The following ELOVL6 variants were observed in gnomAD, a reference collection of about 807,000 sequenced individuals.
ELOVL6 encodes very long chain fatty acid elongase 6.
Under a neutral mutation model 31.7 loss-of-function variants are expected in ELOVL6, and 8 were observed. The ratio of observed to expected loss-of-function variants is 0.25; its 90% CI spans 0.15 to 0.45. The LOEUF (loss-of-function observed/expected upper bound fraction) is 0.45, where lower values mean the gene tolerates loss of function less well. ELOVL6 is among the 20% of genes least tolerant of loss of function. The pLI is 1.00. For missense variants in ELOVL6, 126 were observed against 326.4 expected (o/e 0.39, Z 4.73); for synonymous variants, 101 against 117.7 (o/e 0.86, Z 0.92).
chr4:110,062,188 C>T (rs879553138), intron 2 of ELOVL6, among the ~76,000 whole-genome samples: 16 of 152,166 alleles, frequency 1.1e-4, no homozygotes, highest in Middle Eastern at 3.2e-3. Context: ...CAGTTCAGAG[C>T]ACTGTAGAGT....
chr4:110,120,863 C>A (rs551719178), intron 1 of ELOVL6, among the ~76,000 whole-genome samples: 4 of 139,178 alleles, frequency 2.9e-5, no homozygotes, highest in African/African-American at 8.0e-5. Context: ...TGCTGTGGAG[C>A]GATTTTGGCT....
Position 110,168,383 on chromosome 4 carries a change from G to GTGT in ELOVL6, c.89+29861_89+29863dup, listed in dbSNP as rs1185944289. Among the ~76,000 whole-genome samples the GTGT allele has an allele frequency of 3.3e-5, 5 of 152,176 alleles. No homozygotes were observed. The South Asian group carries it at 1.0e-3, about 32-fold the overall frequency. On this transcript the variant is annotated intron_variant, in intron 1 of 3. Transcript: ENST00000302274. ...AATATGCAAAAGTTAGCTAGGCATG[G>GTGT]TGTTGCATGCCTGTAATCCCAGCTA... is the stretch of plus-strand genomic sequence containing the variant.
intron 1 of ELOVL6, among the ~76,000 whole-genome samples, chr4:110,152,324 C>T (rs998764785): frequency 8.5e-5 from 13 of 152,196 alleles, no homozygotes; most frequent in African/African-American, 1.2e-4. Flanking sequence ...CCATCTATCA[C>T]GGTAGAGTCT....
At chr4:110,198,102 C>T (rs1412255729) in intron 1 of ELOVL6, 145 bp downstream of exon 1, 10 of 460,294 alleles carry the variant, frequency 2.2e-5, no homozygotes, top group Non-Finnish European at 2.5e-5. Flanking sequence ...TCTCCTGCAC[C>T]CGGGAGACCC....
At chr4:110,154,400 A>T (rs1560847673) in intron 1 of ELOVL6, among the ~76,000 whole-genome samples, 1 of 152,072 alleles carries the variant, frequency 6.6e-6, no homozygotes, top group Non-Finnish European at 1.5e-5. Flanking sequence ...GATTACAGAC[A>T]TGCACCATCA....
At chr4:110,077,751 C>T (rs1004263985) in intron 2 of ELOVL6, among the ~76,000 whole-genome samples, 5 of 152,068 alleles carry the variant, frequency 3.3e-5, no homozygotes, top group Admixed American at 6.6e-5. Flanking sequence ...ATGACTTTGA[C>T]GAGTTGAGAT....
intron 1 of ELOVL6, among the ~76,000 whole-genome samples, chr4:110,112,435 G>A (rs1279918408): frequency 6.6e-6 from 1 of 152,184 alleles, no homozygotes; most frequent in East Asian, 1.9e-4. Context: ...CAATCCTAAA[G>A]CGTTGCATCT....
chr4:110,068,918 G>C (rs1560805147), intron 2 of ELOVL6, among the ~76,000 whole-genome samples: 1 of 152,142 alleles, frequency 6.6e-6, no homozygotes, highest in Non-Finnish European at 1.5e-5. Context: ...CCAGGCAGGA[G>C]GATTGCCTAA....
At chr4:110,196,535 T>C (rs1373751646) in intron 1 of ELOVL6, among the ~76,000 whole-genome samples, 2 of 151,812 alleles carry the variant, frequency 1.3e-5, no homozygotes, top group Non-Finnish European at 2.9e-5. Context: ...AACGCCGAGG[T>C]CTATCTGCGG....
At chr4:110,101,165 G>A (rs1250557047) in intron 2 of ELOVL6, among the ~76,000 whole-genome samples, 2 of 152,016 alleles carry the variant, frequency 1.3e-5, no homozygotes, top group Admixed American at 1.3e-4. Flanking sequence ...TCAGCCTCCC[G>A]AGTAGCTAGG....
chr4:110,124,982 T>C (rs1757455490), intron 1 of ELOVL6, among the ~76,000 whole-genome samples: 1 of 152,220 alleles, frequency 6.6e-6, no homozygotes, highest in African/African-American at 2.4e-5. Flanking sequence ...CACAAGTGAC[T>C]TTTTAATATA....
At chr4:110,158,491 G>A (rs370586145) in intron 1 of ELOVL6, among the ~76,000 whole-genome samples, 33 of 141,660 alleles carry the variant, frequency 2.3e-4, no homozygotes, top group Middle Eastern at 3.6e-3. Context: ...CCGAGGGCAC[G>A]ATCAGTCAAG....
At chr4:110,097,395 G>T (rs1047263248) in intron 2 of ELOVL6, among the ~76,000 whole-genome samples, 1 of 151,576 alleles carries the variant, frequency 6.6e-6, no homozygotes, top group Non-Finnish European at 1.5e-5. Context: ...ATGTTAGCAG[G>T]GTGTCCTTCA....
intron 1 of ELOVL6, among the ~76,000 whole-genome samples, chr4:110,178,259 G>T (rs1481176532): frequency 6.6e-6 from 1 of 152,114 alleles, no homozygotes. Context: ...TTGTAAAAAA[G>T]AAAACGAGCC....
intron 2 of ELOVL6, among the ~76,000 whole-genome samples, chr4:110,101,036 T>A (rs1038871625): frequency 3.3e-5 from 5 of 152,146 alleles, no homozygotes; most frequent in Non-Finnish European, 7.4e-5. Context: ...TGAAAAGCAG[T>A]TTTTTGTTTG....
At chr4:110,131,980 G>A (rs1200645573) in intron 1 of ELOVL6, among the ~76,000 whole-genome samples, 1 of 152,204 alleles carries the variant, frequency 6.6e-6, no homozygotes, top group Non-Finnish European at 1.5e-5. Flanking sequence ...TGGGGGAAGA[G>A]GTGCTTCTGC....
chr4:110,164,844 A>G (rs907915329), intron 1 of ELOVL6, among the ~76,000 whole-genome samples: 6 of 151,662 alleles, frequency 4.0e-5, no homozygotes, highest in African/African-American at 1.5e-4. Flanking sequence ...GTTTTGGGGA[A>G]TTTCTTTTTT....
intron 2 of ELOVL6, among the ~76,000 whole-genome samples, chr4:110,082,148 A>T (rs1755877974): frequency 6.7e-6 from 1 of 150,284 alleles, no homozygotes; most frequent in African/African-American, 2.5e-5. Context: ...TGTTGGTGGG[A>T]CTGTAAACTA....
chr4:110,187,626 G>C (rs1249444502), intron 1 of ELOVL6, among the ~76,000 whole-genome samples: 1 of 151,220 alleles, frequency 6.6e-6, no homozygotes, highest in Non-Finnish European at 1.5e-5. Flanking sequence ...AACCCAGGAG[G>C]CAGAGGTTGC....
Sources: gnomAD v4.1 joint callset for allele counts (sites outside exome capture counted in the v4.1 genomes callset) on GRCh38, gnomAD v4.1.1 for gene constraint, MANE v1.5 for transcripts, NCBI Gene and HGNC (gene_info 2026-07-23, HGNC 2026-07-21) for gene names.